DTNB: variants seen among roughly 807,000 people sequenced by gnomAD.
DTNB encodes the protein dystrobrevin beta, also known as DTN-B.
DTNB carries 63 observed loss-of-function variants against 90.7 expected under a neutral mutation model. The observed-to-expected ratio is 0.69, with a 90% CI of 0.57 to 0.86. The LOEUF is 0.86. DTNB is among the 40% of genes least tolerant of loss of function. DTNB has a pLI of 0.00. For synonymous variants in DTNB, 277 were observed against 286.7 expected (o/e 0.97, Z 0.34); for missense variants, 744 against 807.1 (o/e 0.92, Z 0.95).
intron 1 of DTNB, 60 bp from the exon 2 acceptor site, chr2:25,652,721 A>C: frequency 6.4e-7 from 1 of 1,564,134 alleles, no homozygotes; most frequent in Non-Finnish European, 8.7e-7. Context: ...ATCAAGTGCT[A>C]ATCATTCTAT....
intron 8 of DTNB, among the ~76,000 whole-genome samples, chr2:25,568,764 C>T (rs920863813): frequency 2.0e-5 from 3 of 152,224 alleles, no homozygotes; most frequent in Non-Finnish European, 4.4e-5. Flanking sequence ...CTCCACCACA[C>T]AGGCACCTTT....
At chr2:25,380,722 C>T (rs982639376) in intron 19 of DTNB, among the ~76,000 whole-genome samples, 1 of 152,090 alleles carries the variant, frequency 6.6e-6, no homozygotes, top group Non-Finnish European at 1.5e-5. Flanking sequence ...CAGTCTGATG[C>T]GAACAGGGCA....
At chr2:25,438,782 G>C (rs1161725386) in intron 12 of DTNB, among the ~76,000 whole-genome samples, 2 of 152,148 alleles carry the variant, frequency 1.3e-5, no homozygotes, top group Non-Finnish European at 2.9e-5. Flanking sequence ...GAAACCTGAC[G>C]AACACTGCCA....
intron 4 of DTNB, among the ~76,000 whole-genome samples, chr2:25,610,973 G>A (rs1025294186): frequency 1.3e-5 from 2 of 152,164 alleles, no homozygotes; most frequent in Non-Finnish European, 2.9e-5. Context: ...GCCTCCCAAA[G>A]TGCTGGGATT....
At chr2:25,391,763 A>G (rs149952694) in intron 16 of DTNB, among the ~76,000 whole-genome samples, 1 of 152,332 alleles carries the variant, frequency 6.6e-6, no homozygotes, top group Non-Finnish European at 1.5e-5. Context: ...AGCAACTCCA[A>G]AAGGAACCCT....
At chr2:25,389,913 C>T (rs2040625518) in intron 16 of DTNB, among the ~76,000 whole-genome samples, 1 of 151,120 alleles carries the variant, frequency 6.6e-6, no homozygotes, top group South Asian at 2.1e-4. Context: ...AAAAAAAATA[C>T]AGAAAACTAA....
intron 4 of DTNB, among the ~76,000 whole-genome samples, chr2:25,627,339 G>C (rs530081795): frequency 4.6e-5 from 7 of 152,092 alleles, no homozygotes; most frequent in South Asian, 2.1e-4. Flanking sequence ...TTGAACCCGG[G>C]GGGTGGAGGT....
chr2:25,525,854 C>T (rs547997595), intron 9 of DTNB, among the ~76,000 whole-genome samples: 1 of 152,096 alleles, frequency 6.6e-6, no homozygotes, highest in East Asian at 1.9e-4. Context: ...AGGCCTGGAA[C>T]CTCTGAAGGA....
chr2:25,567,407 C>T (rs1235555126), intron 8 of DTNB, among the ~76,000 whole-genome samples: 3 of 152,230 alleles, frequency 2.0e-5, no homozygotes, highest in Non-Finnish European at 4.4e-5. Context: ...TTTGCTCTGA[C>T]TCCCTGAATG....
At chr2:25,612,823 TA>T (rs1355180289) in intron 4 of DTNB, among the ~76,000 whole-genome samples, 3 of 152,158 alleles carry the variant, frequency 2.0e-5, no homozygotes, top group Non-Finnish European at 4.4e-5. Flanking sequence ...ATGAACTAGA[TA>T]TATACAGACT....
intron 8 of DTNB, among the ~76,000 whole-genome samples, chr2:25,562,896 A>G (rs975461443): frequency 6.6e-6 from 1 of 151,914 alleles, no homozygotes; most frequent in Non-Finnish European, 1.5e-5. Flanking sequence ...CGGCCTCCAG[A>G]GTAGCTGGGA....
intron 1 of DTNB, among the ~76,000 whole-genome samples, chr2:25,664,293 T>G (rs2083888960): frequency 6.6e-6 from 1 of 152,228 alleles, no homozygotes. Context: ...TCACGTGTAT[T>G]TGTATTATTA....
At chr2:25,493,282 A>G (rs1436936082) in intron 9 of DTNB, among the ~76,000 whole-genome samples, 1 of 152,220 alleles carries the variant, frequency 6.6e-6, no homozygotes, top group Non-Finnish European at 1.5e-5. Context: ...TTTTAAATAC[A>G]TTTAATCTCT....
At chr2:25,504,331 AGAAG>A (rs938922650) in intron 9 of DTNB, among the ~76,000 whole-genome samples, 43 of 150,474 alleles carry the variant, frequency 2.9e-4, no homozygotes, top group East Asian at 7.8e-4. Flanking sequence ...GAAGAAAGAA[AGAAG>A]GAAGGAAGGA....
chr2:25,635,885 G>A (rs1429585968), intron 3 of DTNB, among the ~76,000 whole-genome samples: 1 of 152,202 alleles, frequency 6.6e-6, no homozygotes, highest in Non-Finnish European at 1.5e-5. Context: ...ACTGCTACAA[G>A]AAAGTGCAGT....
chr2:25,390,027 C>T (rs1471236865), intron 16 of DTNB, among the ~76,000 whole-genome samples: 1 of 152,066 alleles, frequency 6.6e-6, no homozygotes, highest in Non-Finnish European at 1.5e-5. Context: ...TTTTGTCCAC[C>T]AGTTCTTTCC....
At chr2:25,600,482 A>G (rs545541803) in intron 5 of DTNB, among the ~76,000 whole-genome samples, 1 of 152,384 alleles carries the variant, frequency 6.6e-6, no homozygotes, top group Admixed American at 6.5e-5. Flanking sequence ...GAGGACAGCC[A>G]TAAGTCAGGG....
intron 4 of DTNB, among the ~76,000 whole-genome samples, chr2:25,609,245 A>G (rs2067854836): frequency 6.6e-6 from 1 of 152,238 alleles, no homozygotes; most frequent in East Asian, 1.9e-4. Context: ...CCTGAAGTAA[A>G]GTGGCCCACA....
At position 25,596,256 on chromosome 2, in the gene DTNB, C is replaced by A; in HGVS notation, c.449-16G>T. On this transcript the variant is annotated splice_polypyrimidine_tract_variant and intron_variant, in intron 5 of 20. Coordinates refer to ENST00000406818, the MANE Select transcript of DTNB (RefSeq NM_021907.5). Reference sequence around the variant, plus strand: ...GAGAAAACATCTATGAGAACAAAACCAAATAAAGTCAAGCTATAAGGAAAT... The same window carrying A: ...GAGAAAACATCTATGAGAACAAAACAAAATAAAGTCAAGCTATAAGGAAAT... 6.3e-7 allele frequency: 1 copy of A among 1,586,088 alleles called. No individual in the cohort carries two copies. The highest frequency in any genetic ancestry group is 8.6e-7 in the Non-Finnish European group (1 of 1,168,240).
Sources: gnomAD v4.1 joint callset for allele counts (sites outside exome capture counted in the v4.1 genomes callset) on GRCh38, gnomAD v4.1.1 for gene constraint, MANE v1.5 for transcripts, NCBI Gene and HGNC (gene_info 2026-07-23, HGNC 2026-07-21) for gene names.